Variants in EDEM2 observed in about 807,000 individuals in gnomAD.
The protein encoded by EDEM2 is ER degradation-enhancing alpha-mannosidase-like protein 2.
EDEM2 carries 39 observed loss-of-function variants against 64.8 expected under a neutral mutation model. The observed-to-expected ratio is 0.60, with a 90% CI of 0.47 to 0.79. The LOEUF (loss-of-function observed/expected upper bound fraction) is 0.79. EDEM2 is among the 30% of genes least tolerant of loss of function. EDEM2 has a pLI of 0.00. For missense variants in EDEM2, 609 were observed against 731.3 expected, an observed-to-expected ratio of 0.83 and a Z score of 1.93; for synonymous variants, 296 against 291.5, an observed-to-expected ratio of 1.02 and a Z score of -0.16.
chr20:35,141,787 C>T, intron 4 of EDEM2, among the ~76,000 whole-genome samples: 1 of 118,180 alleles, frequency 8.5e-6, no homozygotes, highest in Non-Finnish European at 1.8e-5. Context: ...ATTTTTTAAC[C>T]ACTTGGGAGT....
At position 35,115,777 on chromosome 20, in the gene EDEM2, T is replaced by A. The variant is rs763466859; in HGVS notation, c.1393A>T (p.Ile465Phe). 1.6e-5 allele frequency: 26 copies of A among 1,614,040 alleles called. No homozygotes were observed. The East Asian group carries it at 5.8e-4, about 36-fold the overall frequency. ...DAVITPYGECILGAGGYIFNT... is the reference protein window; with the variant it reads ...DAVITPYGECFLGAGGYIFNT... ...AAGATGTACCCCCCAGCCCCCAGGA[T>A]GCACTCCCCATAGGGGGTGATCACC... is the stretch of plus-strand genomic sequence containing the variant. The change falls in exon 11 of 11, where the codon ATC (isoleucine) becomes TTC (phenylalanine). Residue 465 changes from isoleucine to phenylalanine, a missense_variant. Ile to Phe is a conservative substitution (Grantham distance 21, BLOSUM62 0). Coordinates refer to ENST00000374492, the MANE Select transcript of EDEM2 (RefSeq NM_018217.3).
At chr20:35,120,592 T>A (rs2085355991) in intron 9 of EDEM2, among the ~76,000 whole-genome samples, 1 of 90,056 alleles carries the variant, frequency 1.1e-5, no homozygotes, top group African/African-American at 3.1e-5. Context: ...TTCGGCTTCT[T>A]CTTTTTTTTT....
intron 6 of EDEM2, among the ~76,000 whole-genome samples, chr20:35,133,660 T>C (rs1255118752): frequency 6.6e-6 from 1 of 151,880 alleles, no homozygotes; most frequent in African/African-American, 2.4e-5. Flanking sequence ...AGAGATGGGG[T>C]TTCTCCATGT....
intron 9 of EDEM2, among the ~76,000 whole-genome samples, chr20:35,121,388 C>T (rs1241704537): frequency 1.3e-5 from 2 of 152,144 alleles, no homozygotes; most frequent in East Asian, 1.9e-4. Context: ...AATGCCACCA[C>T]GGATAAGACA....
At chr20:35,119,019 C>T (rs2065108) in intron 9 of EDEM2, among the ~76,000 whole-genome samples, 92,385 of 152,040 alleles carry the variant, frequency 0.61, 28,316 homozygotes, top group Admixed American at 0.71. Flanking sequence ...ATCTGTTCCC[C>T]GCTTCCTCCT....
chr20:35,138,557 A>G (rs558583567), intron 4 of EDEM2, among the ~76,000 whole-genome samples: 40 of 151,466 alleles, frequency 2.6e-4, no homozygotes, highest in Non-Finnish European at 4.9e-4. Flanking sequence ...TATCTATTTC[A>G]ACTTATTATG....
chr20:35,129,687 C>T (rs2085482895), intron 7 of EDEM2, among the ~76,000 whole-genome samples: 1 of 152,082 alleles, frequency 6.6e-6, no homozygotes, highest in African/African-American at 2.4e-5. Flanking sequence ...TAGACCTTGA[C>T]ATTCACTCAC....
At position 35,126,231 on chromosome 20, in the gene EDEM2, C is replaced by T; in HGVS notation, c.969+20G>A. The T allele has an allele frequency of 6.2e-7, 1 of 1,609,016 alleles. No individual in the cohort carries two copies. The highest frequency in any genetic ancestry group is 8.5e-7 in the Non-Finnish European group (1 of 1,178,658). ...TGCCAGACTCATAGAAAGATGATCACATTCTTTGATCATTCCTACCTGAAG... is the reference window on the plus strand; with the variant it reads ...TGCCAGACTCATAGAAAGATGATCATATTCTTTGATCATTCCTACCTGAAG... On this transcript the variant is annotated intron_variant, in intron 8 of 10. Coordinates refer to ENST00000374492, the MANE Select transcript of EDEM2 (RefSeq NM_018217.3).
At chr20:35,118,569 C>G in intron 10 of EDEM2, 29 bp downstream of exon 10, 7 of 1,613,590 alleles carry the variant, frequency 4.3e-6, no homozygotes, top group Non-Finnish European at 5.9e-6. Context: ...GAGACTCTTC[C>G]CAGTTCTTGG....
Position 35,126,360 on chromosome 20 carries a change from A to G in EDEM2, c.860T>C (p.Ile287Thr). ...MAMFLEYNKA[I>T]RNYTRFDDWY... ...GTCATCGAAGCGGGTGTAGTTCCGG[A>G]TGGCTTTGTTATACTCTGCAGTGGG... Residue 287 changes from isoleucine (I) to threonine (T), a missense_variant, in exon 8 of 11, where the codon ATC (isoleucine) becomes ACC (threonine). By Grantham distance (89) the Ile-to-Thr change is moderately conservative. Transcript: ENST00000374492. The G allele has an allele frequency of 1.9e-6, 3 of 1,613,898 alleles. No individual in the cohort carries two copies. Among genetic ancestry groups the G allele is most frequent in the Non-Finnish European group, 1.7e-6 (2 of 1,179,996 alleles).
At chr20:35,116,620 C>T (rs1344559509) in intron 10 of EDEM2, among the ~76,000 whole-genome samples, 2 of 152,130 alleles carry the variant, frequency 1.3e-5, no homozygotes, top group African/African-American at 4.8e-5. Flanking sequence ...GAAAGGTCTC[C>T]GCTAACCTTG....
intron 6 of EDEM2, 73 bp downstream of exon 6, chr20:35,134,665 A>T (rs550084482): frequency 1.9e-6 from 3 of 1,555,150 alleles, no homozygotes; most frequent in Admixed American, 3.5e-5. Context: ...CCTTGGCTTG[A>T]CTGCAACTTA....
Position 35,131,697 on chromosome 20 carries a change from G to A in EDEM2, c.789C>T (p.Tyr263=), listed in dbSNP as rs768526242. The A allele has an allele frequency of 1.2e-6, 2 of 1,614,212 alleles. No individual in the cohort carries two copies. The highest frequency in any genetic ancestry group is 1.7e-6 in the Non-Finnish European group (2 of 1,180,030). The stretch of plus-strand genomic sequence containing the variant: ...GAAGCAGGATGGCTCCTTTCACCAA[G>A]TACTCAAAGTAGGAGTCCACGCCAG... ...IGAGVDSYFE[Y]LVKGAILLQD... The change falls in exon 7 of 11, where the codon TAC becomes TAT. Residue 263 remains tyrosine, a synonymous_variant. Transcript: ENST00000374492.
chr20:35,133,578 T>G (rs2085535833), intron 6 of EDEM2, among the ~76,000 whole-genome samples: 2 of 151,984 alleles, frequency 1.3e-5, no homozygotes, highest in South Asian at 4.2e-4. Context: ...GCAATTCTCC[T>G]GCCTCAGCCT....
intron 8 of EDEM2, among the ~76,000 whole-genome samples, chr20:35,124,631 G>C (rs2085409025): frequency 6.6e-6 from 1 of 152,250 alleles, no homozygotes; most frequent in East Asian, 1.9e-4. Context: ...GCCTTCCAAA[G>C]TGCTGGGATT....
chr20:35,146,447 T>C (rs1170578002), intron 2 of EDEM2, among the ~76,000 whole-genome samples: 1 of 152,078 alleles, frequency 6.6e-6, no homozygotes, highest in Non-Finnish European at 1.5e-5. Flanking sequence ...ACTTAAGTTT[T>C]AGGAGTGTCA....
intron 7 of EDEM2, among the ~76,000 whole-genome samples, chr20:35,127,104 A>T (rs1306273239): frequency 6.6e-6 from 1 of 152,142 alleles, no homozygotes; most frequent in South Asian, 2.1e-4. Context: ...TGATGGTTTT[A>T]TAAGAGGTTT....
At chr20:35,145,413 C>G (rs946718499) in intron 2 of EDEM2, among the ~76,000 whole-genome samples, 1 of 152,194 alleles carries the variant, frequency 6.6e-6, no homozygotes, top group Non-Finnish European at 1.5e-5. Flanking sequence ...CTGGAAAGAA[C>G]CCAACTGTCC....
At chr20:35,125,737 T>C (rs2085424597) in intron 8 of EDEM2, among the ~76,000 whole-genome samples, 1 of 152,164 alleles carries the variant, frequency 6.6e-6, no homozygotes, top group Non-Finnish European at 1.5e-5. Flanking sequence ...CAGGTGGGAC[T>C]ACTTTTTCTT....
Sources: gnomAD v4.1 joint callset for allele counts (sites outside exome capture counted in the v4.1 genomes callset) on GRCh38, gnomAD v4.1.1 for gene constraint, MANE v1.5 for transcripts, NCBI Gene and HGNC (gene_info 2026-07-23, HGNC 2026-07-21) for gene names.